Variants in DDX18 observed in about 807,000 individuals in gnomAD.
DDX18 encodes DEAD-box helicase 18.
In DDX18, 23 loss-of-function variants were observed where a neutral mutation model predicts 73.5. The ratio of observed to expected loss-of-function variants is 0.31; its 90% CI spans 0.23 to 0.44. The LOEUF (loss-of-function observed/expected upper bound fraction) is 0.44. Among genes scored for constraint, DDX18 ranks in the 20% least tolerant of loss-of-function variants. The probability of loss-of-function intolerance (pLI) is 1.00; values close to 1 mark genes in which losing one functional copy is unlikely to be tolerated. For synonymous variants in DDX18, 268 were observed against 282.7 expected (o/e 0.95, Z 0.52); for missense variants, 753 against 792.9 (o/e 0.95, Z 0.60).
chr2:117,830,507 G>T (rs1036434243), intron 13 of DDX18, 75 bp from the exon 14 acceptor site: 7 of 1,529,674 alleles, frequency 4.6e-6, no homozygotes, highest in South Asian at 1.3e-5. Context: ...GTTCATGCCG[G>T]TTTTTTTCTC....
At position 117,825,438 on chromosome 2, in the gene DDX18, T is replaced by C. The variant is rs1282226002; in HGVS notation, c.1369-9T>C. 1 of 1,606,160 alleles carries C rather than the reference T, an allele frequency of 6.2e-7. No individual in the cohort carries two copies. Among genetic ancestry groups the C allele is most frequent in the Admixed American group, 1.7e-5 (1 of 59,610 alleles). ...TCCAGCTCTAATGGATGTTTTTATT[T>C]AATTCTAGGGAAAGCAAAAGCAAAA... is the stretch of plus-strand genomic sequence containing the variant. On this transcript the variant is annotated splice_polypyrimidine_tract_variant and intron_variant, in intron 9 of 13. Transcript: ENST00000263239.
intron 13 of DDX18, among the ~76,000 whole-genome samples, 200 bp downstream of exon 13, chr2:117,829,666 T>C (rs116269670): frequency 1.8e-3 from 278 of 152,214 alleles, no homozygotes; most frequent in African/African-American, 6.4e-3. Flanking sequence ...ATCATTAGGA[T>C]GGGGTTACAG....
Position 117,821,261 on chromosome 2 carries a change from T to C in DDX18, c.615T>C (p.Ile205=). The C allele has an allele frequency of 1.2e-6, 2 of 1,611,488 alleles. No individual in the cohort carries two copies. The highest frequency in any genetic ancestry group is 1.7e-6 in the Non-Finnish European group (2 of 1,179,130). Reference sequence around the variant, plus strand: ...TGGGTTTTACAAACATGACTGAAATTCAGCATAAAAGTATCAGACCACTTC... The same window carrying C: ...TGGGTTTTACAAACATGACTGAAATCCAGCATAAAAGTATCAGACCACTTC... The part of the protein sequence containing the change: ...KEMGFTNMTE[I]QHKSIRPLLE... Residue 205 remains isoleucine (I), a synonymous_variant, in exon 4 of 14, where the codon ATT becomes ATC. Transcript: ENST00000263239.
chr2:117,826,706 C>T (rs555707046), intron 11 of DDX18: 5 of 293,134 alleles, frequency 1.7e-5, no homozygotes, highest in African/African-American at 8.4e-5. Flanking sequence ...CTTCTGCTCC[C>T]CTTCTTTCCT....
intron 10 of DDX18, 25 bp downstream of exon 10, chr2:117,825,624 T>C (rs1679913644): frequency 6.2e-7 from 1 of 1,606,258 alleles, no homozygotes; most frequent in African/African-American, 1.3e-5. Context: ...TGGAATATCT[T>C]CAGAATGACT....
In DDX18 at chr2:117,825,081, T is replaced by A. The variant is rs1032380305; in HGVS notation, c.1348T>A (p.Leu450Met). Reference protein sequence around the residue: ...YHYELLNYIDLPVLAIHGKQK... With the variant: ...YHYELLNYIDMPVLAIHGKQK... ...CTATGAGTTGCTGAACTACATTGAT[T>A]TGCCCGTCTTGGCCATTCATGTAAG... Residue 450 changes from leucine (L) to methionine (M), a missense_variant, in exon 9 of 14, where the codon TTG (leucine) becomes ATG (methionine). By Grantham distance (15) the Leu-to-Met change is conservative. Coordinates refer to ENST00000263239, the MANE Select transcript of DDX18 (RefSeq NM_006773.4). The A allele has an allele frequency of 1.2e-6, 2 of 1,611,494 alleles. No homozygotes were observed. The highest frequency in any genetic ancestry group is 2.7e-5 in the African/African-American group (2 of 74,702).
Position 117,819,780 on chromosome 2 carries a change from C to T in DDX18, c.502C>T (p.Leu168=). The change falls in exon 3 of 14, where the codon CTG becomes TTG. Residue 168 remains leucine, a synonymous_variant. Transcript: ENST00000263239. The part of the protein sequence containing the change: ...EDESEVPSLP[L]GLTGAFEDTS... ...TGAGAGTGAGGTGCCCAGTCTGCCC[C>T]TGGGACTGACAGGTAACGTCCAGGA... 1.3e-6 allele frequency: 2 copies of T among 1,583,150 alleles called. No individual in the cohort carries two copies. Among genetic ancestry groups the T allele is most frequent in the South Asian group, 2.4e-5 (2 of 84,842 alleles).
rs141313148 is a variant in DDX18, at chr2:117,825,106, G to GTGA, written c.1368+15_1368+17dup. On this transcript the variant is annotated splice_donor_region_variant and intron_variant, in intron 9 of 13. Coordinates refer to ENST00000263239, the MANE Select transcript of DDX18 (RefSeq NM_006773.4). ...TTGCCCGTCTTGGCCATTCATGTAA[G>GTGA]TGATGATGATGAGCTCATTGAAAAC... 6.2e-7 allele frequency: 1 copy of GTGA among 1,605,494 alleles called. No individual in the cohort carries two copies. Among genetic ancestry groups the GTGA allele is most frequent in the East Asian group, 2.2e-5 (1 of 44,856 alleles).
At chr2:117,816,093 T>C (rs1679752684) in intron 1 of DDX18, among the ~76,000 whole-genome samples, 1 of 152,194 alleles carries the variant, frequency 6.6e-6, no homozygotes, top group Admixed American at 6.5e-5. Context: ...AAATGGTACC[T>C]CTGTATACAG....
intron 5 of DDX18, 22 bp downstream of exon 5, chr2:117,821,772 TC>T: frequency 6.2e-7 from 1 of 1,613,862 alleles, no homozygotes; most frequent in Non-Finnish European, 8.5e-7. Flanking sequence ...TCTGCTTGTT[TC>T]TGCCATTATT....
In DDX18 at chr2:117,817,712, G is replaced by A. The variant is rs1237750314; in HGVS notation, c.354G>A (p.Val118=). The change falls in exon 2 of 14, where the codon GTG becomes GTA. Residue 118 remains valine, a synonymous_variant. Coordinates refer to ENST00000263239, the MANE Select transcript of DDX18 (RefSeq NM_006773.4). ...KKKKKKKRKM[V]NDAEPDTKKA... ...AAAAGAAGAAAAAGAGAAAAATGGT[G>A]AATGATGCTGAGCCTGGTAGGTATT... 6.2e-7 allele frequency: 1 copy of A among 1,603,880 alleles called. No individual in the cohort carries two copies. Among genetic ancestry groups the A allele is most frequent in the African/African-American group, 1.4e-5 (1 of 73,914 alleles).
At chr2:117,824,398 T>G in intron 7 of DDX18, 171 bp from the exon 8 acceptor site, 1 of 530,774 alleles carries the variant, frequency 1.9e-6, no homozygotes, top group Non-Finnish European at 2.9e-6. Flanking sequence ...CTCAAATTTA[T>G]AGACCTAGTG....
chr2:117,825,488 GT>G lies in DDX18; in HGVS notation c.1412del (p.Phe471SerfsTer19), dbSNP rs1558734134. ...QNKRTTTFFQFCNADSGTLLC... is the reference protein window; with the variant it reads ...QNKRTTTFFQXCNADSGTLLC... ...ATAAGCGTACAACCACATTCTTCCA[GT>G]TCTGCAATGCAGATTCGGGAACACT... On this transcript the variant is annotated frameshift_variant, in exon 10 of 14. Transcript: ENST00000263239. LOFTEE classifies it high-confidence loss of function. 1 of 1,614,062 alleles carries G rather than the reference GT, an allele frequency of 6.2e-7. No individual in the cohort carries two copies. The highest frequency in any genetic ancestry group is 8.5e-7 in the Non-Finnish European group (1 of 1,179,976).
At chr2:117,815,798 C>T (rs1679747528) in intron 1 of DDX18, 1 of 152,184 alleles carries the variant, frequency 6.6e-6, no homozygotes, top group Non-Finnish European at 1.5e-5. Flanking sequence ...TAAGGACATT[C>T]TCAGGTACAG....
At chr2:117,820,865 CATT>C (rs1329838391) in intron 3 of DDX18, among the ~76,000 whole-genome samples, 16 of 152,238 alleles carry the variant, frequency 1.1e-4, no homozygotes, top group African/African-American at 3.4e-4. Context: ...TCTGGACTCT[CATT>C]ATTTTCCTTG....
chr2:117,826,271 A>T lies in DDX18; in HGVS notation c.1524A>T (p.Glu508Asp). ...CAGATTTTCTTTCTCCACCAAAGGA[A>T]TATATTCATCGTGTGGGTAGAACAG... ...VQYDPPDDPK[E>D]YIHRVGRTAR... Residue 508 changes from glutamate (E) to aspartate (D), a missense_variant and splice_region_variant, in exon 11 of 14, where the codon GAA (glutamate) becomes GAT (aspartate). Physicochemically the swap from Glu to Asp is conservative, Grantham distance 45. Around this residue, in one of 3 missense-constraint regions of DDX18, gnomAD observed 402 missense variants for 419.4 expected, o/e 0.96. Coordinates refer to ENST00000263239, the MANE Select transcript of DDX18 (RefSeq NM_006773.4). The T allele has an allele frequency of 6.2e-7, 1 of 1,613,306 alleles. No individual in the cohort carries two copies. Among genetic ancestry groups the T allele is most frequent in the East Asian group, 2.2e-5 (1 of 44,868 alleles).
At chr2:117,825,403 TC>T in intron 9 of DDX18, 43 bp from the exon 10 acceptor site, 2 of 1,590,442 alleles carry the variant, frequency 1.3e-6, no homozygotes, top group Non-Finnish European at 1.7e-6. Flanking sequence ...CTGCTAGTCT[TC>T]CTCAAGATTC....
Position 117,816,795 on chromosome 2 carries a change from T to C in DDX18, c.86-649T>C, listed in dbSNP as rs77159571. On this transcript the variant is annotated intron_variant, in intron 1 of 13. Transcript: ENST00000263239. ...CTAGCATCACTACAAACATGAGTAA[T>C]ATGTTGCACTACGACATTGCAGTTA... Among the ~76,000 whole-genome samples the C allele has an allele frequency of 5.8e-3, 880 of 152,364 alleles. 9 individuals are homozygous for C. Among genetic ancestry groups the C allele is most frequent in the African/African-American group, 0.019 (798 of 41,584 alleles).
intron 10 of DDX18, 23 bp from the exon 11 acceptor site, chr2:117,826,246 C>CA (rs2104625489): frequency 1.2e-6 from 2 of 1,605,616 alleles, no homozygotes; most frequent in Non-Finnish European, 1.7e-6. Context: ...TGCGTTAACT[C>CA]AGATTTTCTT....
Sources: allele counts gnomAD v4.1 joint callset (sites outside exome capture counted in the v4.1 genomes callset), GRCh38; gene constraint gnomAD v4.1.1; regional missense constraint gnomAD v4.1.1; transcripts MANE v1.5; gene names NCBI Gene and HGNC (gene_info 2026-07-23, HGNC 2026-07-21).